Variants in SLC28A1 observed in about 807,000 individuals in gnomAD.
The protein encoded by SLC28A1 is sodium/nucleoside cotransporter 1.
Under a neutral mutation model 74.8 loss-of-function variants are expected in SLC28A1, and 64 were observed. That is an observed-to-expected ratio of 0.86 (90% CI 0.70 to 1.05). The LOEUF (loss-of-function observed/expected upper bound fraction) is 1.05. Ranked by LOEUF, SLC28A1 falls within the 50% of genes least tolerant of loss-of-function variation. The probability of loss-of-function intolerance (pLI) is 0.00; values close to 1 mark genes in which losing one functional copy is unlikely to be tolerated. For synonymous variants in SLC28A1, 359 were observed against 335.0 expected (o/e 1.07, Z -0.78); for missense variants, 828 against 822.8 (o/e 1.01, Z -0.08).
intron 15 of SLC28A1, chr15:84,939,617 T>C (rs1567186917): frequency 6.6e-6 from 1 of 152,184 alleles, no homozygotes; most frequent in Non-Finnish European, 1.5e-5. Context: ...TTTTTGGTTT[T>C]TAAATGTAGA....
chr15:84,895,869 TCA>T, intron 6 of SLC28A1: 1 of 1,062,392 alleles, frequency 9.4e-7, no homozygotes, highest in African/African-American at 1.7e-5. Context: ...AAAGACTAAG[TCA>T]GGGGGATGCA....
At chr15:84,966,773 C>G in the SLC28A1 span, among the ~76,000 whole-genome samples, 1 of 152,128 alleles carries the variant, frequency 6.6e-6, no homozygotes, top group Admixed American at 6.6e-5. Context: ...GAGAACAGCA[C>G]AGGAAAGACC....
At chr15:84,958,487 C>T in the SLC28A1 span, among the ~76,000 whole-genome samples, 1 of 151,814 alleles carries the variant, frequency 6.6e-6, no homozygotes, top group Non-Finnish European at 1.5e-5. Flanking sequence ...TACCATCACA[C>T]TTGGTTAATA....
At chr15:84,932,017 G>C (rs144760186) in intron 12 of SLC28A1, among the ~76,000 whole-genome samples, 10 of 151,692 alleles carry the variant, frequency 6.6e-5, no homozygotes, top group Admixed American at 5.3e-4. Flanking sequence ...AAAAAATAAA[G>C]CAAGAAAGAA....
At position 84,921,070 on chromosome 15, in the gene SLC28A1, G is replaced by A. The variant is rs776251301; in HGVS notation, c.957+1G>A. The A allele has an allele frequency of 4.3e-6, 7 of 1,612,762 alleles. No individual in the cohort carries two copies. Among genetic ancestry groups the A allele is most frequent in the South Asian group, 1.1e-5 (1 of 91,054 alleles). Reference sequence around the variant, plus strand: ...GGCTGGAAACATCTTTGTGAGCCAGGTGGGTATGGAAGCCTCCTACCCTCA... The same window carrying A: ...GGCTGGAAACATCTTTGTGAGCCAGATGGGTATGGAAGCCTCCTACCCTCA... On this transcript the variant is annotated splice_donor_variant, in intron 11 of 18. Transcript: ENST00000394573. LOFTEE classifies it high-confidence loss of function.
the SLC28A1 span, among the ~76,000 whole-genome samples, chr15:84,974,782 G>T: frequency 6.6e-6 from 1 of 151,898 alleles, no homozygotes; most frequent in East Asian, 1.9e-4. Flanking sequence ...TGGAATGCTC[G>T]GTGTGTTGGG....
chr15:84,941,872 C>T (rs940156480), intron 15 of SLC28A1, among the ~76,000 whole-genome samples: 24 of 152,132 alleles, frequency 1.6e-4, no homozygotes, highest in African/African-American at 4.8e-4. Flanking sequence ...CGTGAAATAA[C>T]GTGATGAGAT....
intron 10 of SLC28A1, among the ~76,000 whole-genome samples, chr15:84,920,603 G>A (rs1322313960): frequency 6.6e-6 from 1 of 151,980 alleles, no homozygotes; most frequent in African/African-American, 2.4e-5. Context: ...AATAATTTAG[G>A]GAAACTAGGC....
intron 9 of SLC28A1, among the ~76,000 whole-genome samples, chr15:84,911,211 A>G (rs760709735): frequency 2.0e-5 from 3 of 151,506 alleles, no homozygotes; most frequent in Non-Finnish European, 3.0e-5. Context: ...CACATTAGCT[A>G]TGTCTCCTCC....
chr15:84,946,112 A>ATTTTTTTT (rs1165709632), downstream of SLC28A1, among the ~76,000 whole-genome samples: 54 of 13,476 alleles, frequency 4.0e-3, 16 homozygotes, highest in African/African-American at 6.6e-3. Flanking sequence ...ATATATATAT[A>ATTTTTTTT]TTTTTTTTTT....
At chr15:84,889,811 TTCTC>T (rs2141641893) in intron 4 of SLC28A1, among the ~76,000 whole-genome samples, 1 of 151,022 alleles carries the variant, frequency 6.6e-6, no homozygotes, top group African/African-American at 2.4e-5. Context: ...TTTTCTTTCT[TTCTC>T]TTTCTTTCTT....
Position 84,935,451 on chromosome 15 carries a change from C to T in SLC28A1, c.1514C>T (p.Ser505Phe), listed in dbSNP as rs2142010676. ...GAGTTTGTGGCCTATCAAGACCTCT[C>T]CAAGTACAAGCAACGCCGCCTGGCA... ...LNEFVAYQDL[S>F]KYKQRRLAGA... The change falls in exon 15 of 19, where the codon TCC (serine) becomes TTC (phenylalanine). Residue 505 changes from serine to phenylalanine, a missense_variant. Transcript: ENST00000394573. 6.2e-7 allele frequency: 1 copy of T among 1,614,226 alleles called. No individual in the cohort carries two copies. Among genetic ancestry groups the T allele is most frequent in the East Asian group, 2.2e-5 (1 of 44,884 alleles).
At chr15:84,949,776 T>C (rs2079355562), downstream of SLC28A1, among the ~76,000 whole-genome samples, 1 of 151,886 alleles carries the variant, frequency 6.6e-6, no homozygotes, top group Non-Finnish European at 1.5e-5. Flanking sequence ...GCTTGCATGT[T>C]GAGGGTATAA....
At chr15:84,951,234 G>A in the SLC28A1 span, among the ~76,000 whole-genome samples, 1 of 151,982 alleles carries the variant, frequency 6.6e-6, no homozygotes, top group Non-Finnish European at 1.5e-5. Context: ...GATCTCTTGA[G>A]CCCTGGAGTT....
intron 9 of SLC28A1, among the ~76,000 whole-genome samples, chr15:84,912,897 A>G (rs1968558795): frequency 1.3e-5 from 2 of 151,588 alleles, no homozygotes; most frequent in Non-Finnish European, 2.9e-5. Flanking sequence ...GTTAAGGGGT[A>G]ACTGGTAACC....
chr15:84,970,513 T>C, the SLC28A1 span, among the ~76,000 whole-genome samples: 1 of 152,150 alleles, frequency 6.6e-6, no homozygotes, highest in East Asian at 1.9e-4. Flanking sequence ...GAAAACGAAC[T>C]GTGTCTTTTA....
intron 6 of SLC28A1, among the ~76,000 whole-genome samples, chr15:84,897,006 CT>C: frequency 6.6e-6 from 1 of 152,076 alleles, no homozygotes; most frequent in Non-Finnish European, 1.5e-5. Context: ...TTTGGGGTTT[CT>C]CTTTGGGCTG....
chr15:84,923,951 C>A (rs754865899), intron 11 of SLC28A1, 34 bp from the exon 12 acceptor site: 4 of 1,613,972 alleles, frequency 2.5e-6, no homozygotes, highest in East Asian at 2.2e-5. Context: ...CAATCACCCC[C>A]ACCCTGCTTG....
intron 9 of SLC28A1, among the ~76,000 whole-genome samples, chr15:84,910,704 G>A (rs561759544): frequency 6.6e-6 from 1 of 152,212 alleles, no homozygotes; most frequent in South Asian, 2.1e-4. Flanking sequence ...CTCCAGCCTG[G>A]GCAACAAGAG....
Sources: gnomAD v4.1 joint callset for allele counts (sites outside exome capture counted in the v4.1 genomes callset) on GRCh38, gnomAD v4.1.1 for gene constraint, MANE v1.5 for transcripts, NCBI Gene and HGNC (gene_info 2026-07-23, HGNC 2026-07-21) for gene names.